RHBDD1: variants seen among roughly 807,000 people sequenced by gnomAD.
RHBDD1 encodes the protein rhomboid-related protein 4.
RHBDD1 carries 38 observed loss-of-function variants against 36.3 expected under a neutral mutation model. The ratio of observed to expected loss-of-function variants is 1.05; its 90% CI spans 0.81 to 1.37. The LOEUF is 1.37. Among genes scored for constraint, RHBDD1 ranks in the 40% most tolerant of loss-of-function variants. The pLI is 0.00. For synonymous variants in RHBDD1, 151 were observed against 136.5 expected (o/e 1.11, Z -0.74); for missense variants, 393 against 377.6 (o/e 1.04, Z -0.34).
chr2:226,869,436 C>T (rs1221526588), intron 5 of RHBDD1, among the ~76,000 whole-genome samples: 1 of 152,148 alleles, frequency 6.6e-6, no homozygotes, highest in Non-Finnish European at 1.5e-5. Flanking sequence ...CTAGAGCTCT[C>T]TTTGCAATGC....
At chr2:226,837,060 C>T (rs1375989905) in intron 1 of RHBDD1, among the ~76,000 whole-genome samples, 1 of 152,120 alleles carries the variant, frequency 6.6e-6, no homozygotes, top group African/African-American at 2.4e-5. Flanking sequence ...CAGTTGATAC[C>T]AATGCACCTG....
intron 8 of RHBDD1, among the ~76,000 whole-genome samples, chr2:226,981,667 G>A (rs1213100651): frequency 6.6e-6 from 1 of 152,120 alleles, no homozygotes; most frequent in African/African-American, 2.4e-5. Context: ...ACAAAAAGTG[G>A]TTAATTAGAC....
chr2:226,856,356 C>G (rs901876788), intron 3 of RHBDD1, among the ~76,000 whole-genome samples: 1 of 152,090 alleles, frequency 6.6e-6, no homozygotes, highest in Non-Finnish European at 1.5e-5. Context: ...ATACCATTTT[C>G]TTATTTTCAA....
At chr2:226,829,987 T>A in the RHBDD1 span, among the ~76,000 whole-genome samples, 3 of 152,198 alleles carry the variant, frequency 2.0e-5, no homozygotes, top group East Asian at 1.9e-4. Flanking sequence ...TTTTTTTTTT[T>A]ATAGATGCCC....
At chr2:226,909,945 G>A (rs1948401714) in intron 7 of RHBDD1, among the ~76,000 whole-genome samples, 1 of 152,188 alleles carries the variant, frequency 6.6e-6, no homozygotes, top group Non-Finnish European at 1.5e-5. Flanking sequence ...AATATTTCAG[G>A]CATCAAGGGC....
At chr2:226,869,661 C>T (rs1293136064) in intron 5 of RHBDD1, among the ~76,000 whole-genome samples, 1 of 152,170 alleles carries the variant, frequency 6.6e-6, no homozygotes, top group Non-Finnish European at 1.5e-5. Flanking sequence ...AGGAAAGCCA[C>T]CCCAAATAGG....
At chr2:226,881,074 G>A (rs924030554) in intron 5 of RHBDD1, among the ~76,000 whole-genome samples, 8 of 152,162 alleles carry the variant, frequency 5.3e-5, no homozygotes, top group African/African-American at 1.9e-4. Flanking sequence ...ATGGTGGAAG[G>A]TGAAGGGGAA....
chr2:226,829,089 CAT>C, the RHBDD1 span, among the ~76,000 whole-genome samples: 4 of 152,094 alleles, frequency 2.6e-5, no homozygotes, highest in Non-Finnish European at 5.9e-5. Flanking sequence ...GGCCCAAGTT[CAT>C]AGTTTTTTTC....
chr2:226,811,237 G>C, the RHBDD1 span, among the ~76,000 whole-genome samples: 2 of 152,136 alleles, frequency 1.3e-5, no homozygotes, highest in South Asian at 2.1e-4. Flanking sequence ...GAGAGCGCAA[G>C]GAAGGGGAAC....
intron 3 of RHBDD1, among the ~76,000 whole-genome samples, chr2:226,859,291 T>C (rs541512530): frequency 1.3e-5 from 2 of 152,302 alleles, no homozygotes; most frequent in African/African-American, 4.8e-5. Context: ...GCACTGAACA[T>C]GTACAGACTT....
At chr2:226,930,190 C>T (rs1332152726) in intron 8 of RHBDD1, among the ~76,000 whole-genome samples, 1 of 151,878 alleles carries the variant, frequency 6.6e-6, no homozygotes, top group East Asian at 1.9e-4. Flanking sequence ...AAAAAAGAGC[C>T]TGAATGCCAA....
rs968870977 is a variant in RHBDD1 at position 226,839,450 on chromosome 2, C to G, written c.-268C>G. 6.6e-6 allele frequency: 1 copy of G among 151,910 alleles called. No individual in the cohort carries two copies. Among genetic ancestry groups the G allele is most frequent in the East Asian group, 1.9e-4 (1 of 5,178 alleles). 9.4% of individuals were successfully genotyped at this position (151,910 alleles called of 1,614,324 possible). A position where few individuals can be genotyped will look rare whatever the true frequency, so the allele number is the denominator to read the frequency against. On this transcript the variant is annotated 5_prime_UTR_variant, in exon 3 of 9. Coordinates refer to ENST00000392062, the MANE Select transcript of RHBDD1 (RefSeq NM_001167608.3). Reference sequence around the variant, plus strand: ...AATCTTACCTGTAAAACTCAGGAGCCGAGAAGCTTTAAGAACAGTGAGGTT... The same window carrying G: ...AATCTTACCTGTAAAACTCAGGAGCGGAGAAGCTTTAAGAACAGTGAGGTT...
intron 8 of RHBDD1, among the ~76,000 whole-genome samples, chr2:226,939,078 T>C (rs1439376725): frequency 6.6e-6 from 1 of 152,082 alleles, no homozygotes; most frequent in Non-Finnish European, 1.5e-5. Flanking sequence ...AAATTCAACA[T>C]CGCTTCATGT....
At chr2:226,948,951 CA>C (rs1246842858) in intron 8 of RHBDD1, among the ~76,000 whole-genome samples, 2 of 152,142 alleles carry the variant, frequency 1.3e-5, no homozygotes, top group Non-Finnish European at 2.9e-5. Flanking sequence ...TCTCAGGATA[CA>C]AAAATCAATG....
intron 5 of RHBDD1, among the ~76,000 whole-genome samples, chr2:226,883,954 CA>C (rs1379797625): frequency 1.3e-5 from 2 of 152,106 alleles, no homozygotes; most frequent in African/African-American, 2.4e-5. Context: ...TTACAAAAGT[CA>C]TGAAGCCGCT....
chr2:226,995,748 A>G lies in RHBDD1; in HGVS notation c.*226A>G. The G allele has an allele frequency of 1.8e-6, 1 of 556,554 alleles. No homozygotes were observed. The highest frequency in any genetic ancestry group is 3.0e-5 in the East Asian group (1 of 33,324). 34.5% of individuals were successfully genotyped at this position (556,554 alleles called of 1,614,324 possible). A position where few individuals can be genotyped will look rare whatever the true frequency, so the allele number is the denominator to read the frequency against. The stretch of plus-strand genomic sequence containing the variant: ...CCTTGTTCTTGCTCATAAACAGGTC[A>G]CTTCCTCCATGAAGAGACCAGTTTC... On this transcript the variant is annotated 3_prime_UTR_variant, in exon 9 of 9. Transcript: ENST00000392062.
At chr2:226,925,201 G>A (rs1949584210) in intron 8 of RHBDD1, among the ~76,000 whole-genome samples, 1 of 152,316 alleles carries the variant, frequency 6.6e-6, no homozygotes, top group African/African-American at 2.4e-5. Context: ...ATAATCAAGA[G>A]GCTTACCTTC....
At chr2:226,904,671 A>C (rs867558923) in intron 5 of RHBDD1, among the ~76,000 whole-genome samples, 9 of 152,116 alleles carry the variant, frequency 5.9e-5, no homozygotes, top group African/African-American at 1.9e-4. Context: ...TCTTTCTTTC[A>C]AGTGTTCCTC....
chr2:226,800,665 C>A, the RHBDD1 span, among the ~76,000 whole-genome samples: 1 of 152,130 alleles, frequency 6.6e-6, no homozygotes, highest in African/African-American at 2.4e-5. Flanking sequence ...GAAGTCTATC[C>A]GTGACTTTAA....
Sources: gnomAD v4.1 joint callset for allele counts (sites outside exome capture counted in the v4.1 genomes callset) on GRCh38, gnomAD v4.1.1 for gene constraint, MANE v1.5 for transcripts, NCBI Gene and HGNC (gene_info 2026-07-23, HGNC 2026-07-21) for gene names.